The following RAD51B variants were observed in gnomAD, a reference collection of about 807,000 sequenced individuals.
RAD51B encodes the protein DNA repair protein RAD51 homolog 2.
In RAD51B, 38 loss-of-function variants were observed where a neutral mutation model predicts 42.2. The ratio of observed to expected loss-of-function variants is 0.90; its 90% CI spans 0.70 to 1.18. The LOEUF is 1.18. RAD51B is among the 50% of genes most tolerant of loss of function. The pLI, the probability that RAD51B is intolerant of heterozygous loss-of-function variation, is 0.00. For missense variants in RAD51B, 373 were observed against 400.7 expected, an observed-to-expected ratio of 0.93 and a Z score of 0.59; for synonymous variants, 154 against 145.2, an observed-to-expected ratio of 1.06 and a Z score of -0.43.
At chr14:68,056,797 G>A (rs1304454865) in intron 7 of RAD51B, among the ~76,000 whole-genome samples, 2 of 151,480 alleles carry the variant, frequency 1.3e-5, no homozygotes, top group African/African-American at 2.4e-5. Flanking sequence ...AAATATTTAC[G>A]GCCAGGCGCG....
chr14:68,063,768 G>A lies in RAD51B; in HGVS notation c.756+176564G>A, dbSNP rs181286232. On this transcript the variant is annotated intron_variant, in intron 7 of 10. Transcript: ENST00000471583. ...AAATAAATAAATAAAAAGGTGTCAGGCACCTCCTCTTGTAGGAAGCATATA... is the reference window on the plus strand; with the variant it reads ...AAATAAATAAATAAAAAGGTGTCAGACACCTCCTCTTGTAGGAAGCATATA... Among the ~76,000 whole-genome samples, 60 of 152,140 alleles carry A rather than the reference G, an allele frequency of 3.9e-4. No homozygotes were observed. In the East Asian group the frequency reaches 0.01, roughly 26 times the overall value.
chr14:68,472,481 G>A (rs2086150862), intron 10 of RAD51B, among the ~76,000 whole-genome samples: 1 of 152,132 alleles, frequency 6.6e-6, no homozygotes, highest in African/African-American at 2.4e-5. Context: ...GAGGTCCAGG[G>A]GAATGAAGGG....
At chr14:68,148,643 A>G (rs762372665) in intron 7 of RAD51B, among the ~76,000 whole-genome samples, 1 of 152,150 alleles carries the variant, frequency 6.6e-6, no homozygotes, top group Non-Finnish European at 1.5e-5. Flanking sequence ...TGGGCTAGTG[A>G]TATGTGTTAC....
chr14:68,086,344 A>C (rs1052810956), intron 7 of RAD51B, among the ~76,000 whole-genome samples: 5 of 151,764 alleles, frequency 3.3e-5, no homozygotes, highest in Admixed American at 6.6e-5. Context: ...GCTCCTCTCA[A>C]CGTCCAGCCA....
intron 2 of RAD51B, among the ~76,000 whole-genome samples, chr14:67,824,821 G>A (rs2040757454): frequency 6.6e-6 from 1 of 151,754 alleles, no homozygotes; most frequent in Non-Finnish European, 1.5e-5. Context: ...GCTCACACCT[G>A]TAATCCCAGC....
chr14:68,005,046 T>TGTG (rs532603986), intron 7 of RAD51B, among the ~76,000 whole-genome samples: 42 of 80,246 alleles, frequency 5.2e-4, no homozygotes, highest in South Asian at 9.5e-4. Context: ...TGTGTGTGTG[T>TGTG]TTTTTTTTTT....
chr14:68,475,600 C>T (rs552666402), intron 10 of RAD51B, among the ~76,000 whole-genome samples: 88 of 152,146 alleles, frequency 5.8e-4, no homozygotes, highest in African/African-American at 2.0e-3. Flanking sequence ...GCTACTATTG[C>T]TTATAGCACA....
chr14:68,025,031 C>T (rs192026746), intron 7 of RAD51B, among the ~76,000 whole-genome samples: 1 of 152,002 alleles, frequency 6.6e-6, no homozygotes, highest in Admixed American at 6.5e-5. Context: ...TTGGTGCCTA[C>T]TCTGTTGAGG....
chr14:68,255,558 G>A (rs940730671), intron 7 of RAD51B, among the ~76,000 whole-genome samples: 3 of 152,148 alleles, frequency 2.0e-5, no homozygotes, highest in African/African-American at 7.2e-5. Context: ...CTGTATTGTT[G>A]AGTTACAGTC....
chr14:68,671,515 C>T (rs1387871288), intron 11 of RAD51B, among the ~76,000 whole-genome samples: 3 of 152,030 alleles, frequency 2.0e-5, no homozygotes, highest in Admixed American at 2.0e-4. Context: ...TCTGTCTAGA[C>T]TGTGCCCATC....
At chr14:68,379,727 A>G (rs2083442245) in intron 8 of RAD51B, among the ~76,000 whole-genome samples, 1 of 152,242 alleles carries the variant, frequency 6.6e-6, no homozygotes. Flanking sequence ...CATTCCTCCC[A>G]TAGTATGGTT....
intron 10 of RAD51B, among the ~76,000 whole-genome samples, chr14:68,536,716 G>A (rs915664190): frequency 6.6e-6 from 1 of 152,130 alleles, no homozygotes; most frequent in Non-Finnish European, 1.5e-5. Flanking sequence ...AAATTTTTTA[G>A]TATTTCCTTA....
downstream of RAD51B, among the ~76,000 whole-genome samples, chr14:68,480,738 T>C (rs1309814942): frequency 6.6e-6 from 1 of 152,212 alleles, no homozygotes; most frequent in Non-Finnish European, 1.5e-5. Context: ...ACTGATCCTT[T>C]CCCTCGCAGG....
intron 7 of RAD51B, among the ~76,000 whole-genome samples, chr14:68,119,224 G>T (rs2077602073): frequency 1.3e-5 from 2 of 150,254 alleles, no homozygotes; most frequent in South Asian, 4.2e-4. Context: ...GTAGAGACAG[G>T]GTCTCACCAT....
rs558760665 is a variant in RAD51B at position 68,023,605 on chromosome 14, G to C, written c.756+136401G>C. On this transcript the variant is annotated intron_variant, in intron 7 of 10. Transcript: ENST00000471583. ...GTCTCTCAAAGTGCCAGGATTACTG[G>C]TGTGAGGCACCGCACCTGACCTGCT... Among the ~76,000 whole-genome samples, 7 of 152,304 alleles carry C rather than the reference G, an allele frequency of 4.6e-5. No homozygotes were observed. The East Asian group carries it at 1.2e-3, about 25-fold the overall frequency.
chr14:68,103,432 A>T (rs903917203), intron 7 of RAD51B, among the ~76,000 whole-genome samples: 3 of 152,204 alleles, frequency 2.0e-5, no homozygotes, highest in Non-Finnish European at 4.4e-5. Context: ...TGATAAAAAA[A>T]CATAAAATGA....
intron 8 of RAD51B, among the ~76,000 whole-genome samples, chr14:68,303,791 G>A (rs1271958327): frequency 6.6e-6 from 1 of 152,168 alleles, no homozygotes; most frequent in Non-Finnish European, 1.5e-5. Flanking sequence ...ATTTATCAAG[G>A]CGCCTAACAG....
chr14:68,151,612 T>TTTTG (rs1566685089), intron 7 of RAD51B, among the ~76,000 whole-genome samples: 1 of 150,692 alleles, frequency 6.6e-6, no homozygotes, highest in African/African-American at 2.4e-5. Context: ...TCTTGGTTTT[T>TTTTG]TGTGTGTGTG....
chr14:68,134,145 A>T (rs1162114394), intron 7 of RAD51B, among the ~76,000 whole-genome samples: 1 of 152,182 alleles, frequency 6.6e-6, no homozygotes, highest in Non-Finnish European at 1.5e-5. Context: ...GTAACCGTGA[A>T]TCTGTTCTCC....
Sources: allele counts gnomAD v4.1 joint callset (sites outside exome capture counted in the v4.1 genomes callset), GRCh38; gene constraint gnomAD v4.1.1; transcripts MANE v1.5; gene names NCBI Gene and HGNC (gene_info 2026-07-23, HGNC 2026-07-21).